The following GPC5 variants were observed in gnomAD, a reference collection of about 807,000 sequenced individuals.
GPC5 encodes glypican 5.
Under a neutral mutation model 53.9 loss-of-function variants are expected in GPC5, and 47 were observed. The ratio of observed to expected loss-of-function variants is 0.87; its 90% CI spans 0.69 to 1.11. The LOEUF (loss-of-function observed/expected upper bound fraction) is 1.11. Among genes scored for constraint, GPC5 ranks in the 50% most tolerant of loss-of-function variants. GPC5 has a pLI of 0.00. For synonymous variants in GPC5, 286 were observed against 263.3 expected (o/e 1.09, Z -0.84); for missense variants, 748 against 713.1 (o/e 1.05, Z -0.56).
intron 7 of GPC5, among the ~76,000 whole-genome samples, chr13:92,431,686 ATAACATGC>A (rs1360220818): frequency 6.6e-6 from 1 of 152,158 alleles, no homozygotes; most frequent in African/African-American, 2.4e-5. Flanking sequence ...TAGCAGAGGA[ATAACATGC>A]TAACATGATA....
chr13:92,266,915 T>G (rs1019241683), intron 7 of GPC5, among the ~76,000 whole-genome samples: 11 of 152,014 alleles, frequency 7.2e-5, no homozygotes, highest in Admixed American at 3.9e-4. Flanking sequence ...AAAAACTTAA[T>G]GACACGGAGC....
At chr13:91,579,344 C>G (rs988922228) in intron 2 of GPC5, among the ~76,000 whole-genome samples, 52 of 152,218 alleles carry the variant, frequency 3.4e-4, no homozygotes, top group African/African-American at 1.0e-3. Flanking sequence ...TCCTTATGTC[C>G]TTATTCTTTC....
At chr13:92,851,843 G>A (rs1225635894) in intron 7 of GPC5, among the ~76,000 whole-genome samples, 5 of 145,104 alleles carry the variant, frequency 3.4e-5, no homozygotes, top group Non-Finnish European at 7.5e-5. Flanking sequence ...AGCCAAGATG[G>A]CCCCAGTGCA....
intron 2 of GPC5, among the ~76,000 whole-genome samples, chr13:91,572,077 A>G (rs556586668): frequency 1.4e-5 from 2 of 143,092 alleles, no homozygotes; most frequent in African/African-American, 5.4e-5. Flanking sequence ...ATATACACAC[A>G]TATGTATATG....
At chr13:91,586,579 G>C (rs1225511168) in intron 2 of GPC5, among the ~76,000 whole-genome samples, 4 of 121,036 alleles carry the variant, frequency 3.3e-5, no homozygotes, top group African/African-American at 9.3e-5. Context: ...GAGAGAGAGA[G>C]AGAGAGAGAG....
chr13:92,242,232 CAAA>C (rs752173365), intron 7 of GPC5, among the ~76,000 whole-genome samples: 28 of 81,864 alleles, frequency 3.4e-4, no homozygotes, highest in African/African-American at 7.2e-4. Flanking sequence ...GACTCTGTCT[CAAA>C]AAAAAAAAAA....
chr13:92,355,544 C>T (rs2043514618), intron 7 of GPC5, among the ~76,000 whole-genome samples: 1 of 152,116 alleles, frequency 6.6e-6, no homozygotes, highest in Admixed American at 6.6e-5. Context: ...TACAGTGATC[C>T]CCATGCTCCC....
intron 2 of GPC5, among the ~76,000 whole-genome samples, chr13:91,619,645 A>T (rs1265337895): frequency 6.6e-6 from 1 of 152,086 alleles, no homozygotes; most frequent in African/African-American, 2.4e-5. Flanking sequence ...TGAATGTCAC[A>T]CACACACAGA....
At chr13:91,900,364 C>A (rs1158017549) in intron 5 of GPC5, among the ~76,000 whole-genome samples, 2 of 151,996 alleles carry the variant, frequency 1.3e-5, no homozygotes, top group Admixed American at 6.6e-5. Flanking sequence ...AGTGAGACAG[C>A]AAATCAGTAC....
chr13:92,591,099 C>T (rs1428434406), intron 7 of GPC5, among the ~76,000 whole-genome samples: 2 of 152,190 alleles, frequency 1.3e-5, no homozygotes, highest in Admixed American at 6.5e-5. Context: ...TTCATGTCCC[C>T]TTCATCAACC....
chr13:91,437,335 C>T (rs934292529), intron 1 of GPC5, among the ~76,000 whole-genome samples: 1 of 152,144 alleles, frequency 6.6e-6, no homozygotes, highest in Non-Finnish European at 1.5e-5. Flanking sequence ...CCAATTGTTC[C>T]TTTCCATGTT....
chr13:91,917,159 G>T (rs1457069771), intron 6 of GPC5, among the ~76,000 whole-genome samples: 1 of 152,144 alleles, frequency 6.6e-6, no homozygotes, highest in African/African-American at 2.4e-5. Context: ...AGATACAATG[G>T]GGGTACAGGC....
chr13:92,143,484 A>G (rs527576806), intron 6 of GPC5, among the ~76,000 whole-genome samples: 1 of 152,290 alleles, frequency 6.6e-6, no homozygotes, highest in East Asian at 1.9e-4. Context: ...TAAACACAGT[A>G]GAAAAGTTTG....
intron 2 of GPC5, among the ~76,000 whole-genome samples, chr13:91,604,198 C>T (rs1490118501): frequency 3.5e-5 from 5 of 143,612 alleles, no homozygotes; most frequent in African/African-American, 1.3e-4. Flanking sequence ...TGAGAATATG[C>T]GGTGTTTGGT....
chr13:92,616,491 A>G (rs1397403675), intron 7 of GPC5, among the ~76,000 whole-genome samples: 1 of 152,208 alleles, frequency 6.6e-6, no homozygotes, highest in Non-Finnish European at 1.5e-5. Flanking sequence ...ACAGCGATTT[A>G]TGAATACTAC....
intron 3 of GPC5, among the ~76,000 whole-genome samples, chr13:91,704,328 G>T (rs1426633787): frequency 6.6e-6 from 1 of 151,922 alleles, no homozygotes; most frequent in African/African-American, 2.4e-5. Flanking sequence ...GTTTCCATTT[G>T]CATGGAATGA....
chr13:91,854,549 C>G (rs1370793087), intron 5 of GPC5, among the ~76,000 whole-genome samples: 10 of 151,760 alleles, frequency 6.6e-5, no homozygotes, highest in Non-Finnish European at 1.3e-4. Flanking sequence ...TCCCCCTCCC[C>G]AAACTACCCT....
At chr13:92,271,568 A>C (rs1027094752) in intron 7 of GPC5, among the ~76,000 whole-genome samples, 24 of 152,208 alleles carry the variant, frequency 1.6e-4, no homozygotes, top group African/African-American at 5.5e-4. Flanking sequence ...TATATGAAAT[A>C]AAAAGAGAAA....
intron 6 of GPC5, among the ~76,000 whole-genome samples, chr13:92,070,966 G>C (rs1192772297): frequency 6.6e-6 from 1 of 152,102 alleles, no homozygotes; most frequent in African/African-American, 2.4e-5. Flanking sequence ...GGCCAGGAGT[G>C]GTGGCTCACG....
Sources: allele counts gnomAD v4.1 joint callset (sites outside exome capture counted in the v4.1 genomes callset), GRCh38; gene constraint gnomAD v4.1.1; transcripts MANE v1.5; gene names NCBI Gene and HGNC (gene_info 2026-07-23, HGNC 2026-07-21).